Variants in MYO1D observed in about 807,000 individuals in gnomAD.
MYO1D encodes myosin ID.
In MYO1D, 83 loss-of-function variants were observed where a neutral mutation model predicts 122.0. That is an observed-to-expected ratio of 0.68 (90% CI 0.57 to 0.82). MYO1D has a LOEUF of 0.82. Ranked by LOEUF, MYO1D falls within the 40% of genes least tolerant of loss-of-function variation. MYO1D has a pLI of 0.00. For synonymous variants in MYO1D, 464 were observed against 446.9 expected (o/e 1.04, Z -0.48); for missense variants, 1,157 against 1,269.5 (o/e 0.91, Z 1.35).
At chr17:32,549,783 G>A (rs1269348386) in intron 21 of MYO1D, among the ~76,000 whole-genome samples, 1 of 152,136 alleles carries the variant, frequency 6.6e-6, no homozygotes, top group Non-Finnish European at 1.5e-5. Context: ...GTCACATGAA[G>A]GACACGTTAA....
chr17:32,741,875 C>CGT (rs1293887314), intron 13 of MYO1D, among the ~76,000 whole-genome samples: 2 of 151,636 alleles, frequency 1.3e-5, no homozygotes, highest in African/African-American at 4.8e-5. Context: ...ATTAGCCGGG[C>CGT]GTGGTGGTGG....
intron 21 of MYO1D, 89 bp from the exon 22 acceptor site, chr17:32,495,004 C>T (rs1248011208): frequency 2.1e-5 from 29 of 1,409,088 alleles, no homozygotes; most frequent in Middle Eastern, 1.9e-4. Flanking sequence ...CCATTGGCTC[C>T]GGCGCAGCCT....
Position 32,620,001 on chromosome 17 carries a change from T to G in MYO1D, c.2710-14760A>C, listed in dbSNP as rs529732934. Among the ~76,000 whole-genome samples, 19 of 152,308 alleles carry G rather than the reference T, an allele frequency of 1.2e-4. No homozygotes were observed. The South Asian group carries it at 3.9e-3, about 32-fold the overall frequency. ...CTTAAATCTTCTCTTTTAGCAGGCT[T>G]CCACTAAAAGTGGGCCAGGAGCAGA... On this transcript the variant is annotated intron_variant, in intron 20 of 21. Coordinates refer to ENST00000318217, the MANE Select transcript of MYO1D (RefSeq NM_015194.3).
chr17:32,714,912 T>G (rs1365342376), intron 15 of MYO1D, among the ~76,000 whole-genome samples: 1 of 151,896 alleles, frequency 6.6e-6, no homozygotes, highest in East Asian at 1.9e-4. Context: ...AATCTATCCA[T>G]CTGATAAAGG....
intron 21 of MYO1D, among the ~76,000 whole-genome samples, chr17:32,560,877 C>A (rs1019822927): frequency 6.7e-6 from 1 of 149,816 alleles, no homozygotes; most frequent in Non-Finnish European, 1.5e-5. Flanking sequence ...CTTGGCCTCC[C>A]AAAGTGCGAG....
chr17:32,704,011 C>G (rs1466447052), intron 16 of MYO1D, among the ~76,000 whole-genome samples: 2 of 152,184 alleles, frequency 1.3e-5, no homozygotes, highest in East Asian at 3.8e-4. Context: ...TACGCTAAAT[C>G]ACTGTATACT....
chr17:32,689,616 C>T (rs1324736769), intron 16 of MYO1D, among the ~76,000 whole-genome samples: 2 of 152,212 alleles, frequency 1.3e-5, no homozygotes, highest in Admixed American at 6.5e-5. Flanking sequence ...AAAGAGGAAT[C>T]GCATTGAATA....
chr17:32,733,665 C>G (rs533714125), intron 14 of MYO1D, among the ~76,000 whole-genome samples: 1 of 152,324 alleles, frequency 6.6e-6, no homozygotes, highest in East Asian at 1.9e-4. Flanking sequence ...AAGGACCCAG[C>G]CTTGAATAAC....
intron 21 of MYO1D, among the ~76,000 whole-genome samples, chr17:32,512,321 C>A (rs1909725611): frequency 6.6e-6 from 1 of 151,308 alleles, no homozygotes; most frequent in Non-Finnish European, 1.5e-5. Context: ...AAAAAAAGAG[C>A]CATCATGAAA....
At chr17:32,516,616 C>T (rs187126953) in intron 21 of MYO1D, among the ~76,000 whole-genome samples, 1 of 152,250 alleles carries the variant, frequency 6.6e-6, no homozygotes, top group African/African-American at 2.4e-5. Flanking sequence ...TGTGAAGTGT[C>T]TCCACATGGC....
chr17:32,743,319 T>C (rs2089793525), intron 13 of MYO1D, among the ~76,000 whole-genome samples: 1 of 152,214 alleles, frequency 6.6e-6, no homozygotes, highest in African/African-American at 2.4e-5. Flanking sequence ...GAGATTCAGA[T>C]GCATAGTTGC....
At chr17:32,616,793 A>G (rs2087775111) in intron 20 of MYO1D, among the ~76,000 whole-genome samples, 2 of 152,198 alleles carry the variant, frequency 1.3e-5, no homozygotes, top group Admixed American at 1.3e-4. Flanking sequence ...TGACGAATAA[A>G]ATGCAACAGA....
chr17:32,814,972 G>T (rs181161923), intron 1 of MYO1D, among the ~76,000 whole-genome samples: 5 of 152,194 alleles, frequency 3.3e-5, no homozygotes, highest in African/African-American at 1.2e-4. Context: ...AATCACTTGC[G>T]GGAGGCTTTT....
At chr17:32,796,500 C>T (rs1482352966) in intron 1 of MYO1D, among the ~76,000 whole-genome samples, 2 of 152,186 alleles carry the variant, frequency 1.3e-5, no homozygotes, top group African/African-American at 4.8e-5. Context: ...ACAACCTCCA[C>T]CTCACAAGCT....
At chr17:32,865,082 T>C (rs749734838) in intron 1 of MYO1D, among the ~76,000 whole-genome samples, 1 of 152,224 alleles carries the variant, frequency 6.6e-6, no homozygotes, top group Non-Finnish European at 1.5e-5. Context: ...ACTATCCTTA[T>C]AATAAACTTA....
intron 14 of MYO1D, among the ~76,000 whole-genome samples, chr17:32,735,122 A>G (rs1157428373): frequency 1.3e-5 from 2 of 149,066 alleles, no homozygotes; most frequent in African/African-American, 4.9e-5. Context: ...ACACACACAC[A>G]CGAACCCAAA....
At chr17:32,652,306 T>C (rs1290796918) in intron 19 of MYO1D, among the ~76,000 whole-genome samples, 1 of 152,198 alleles carries the variant, frequency 6.6e-6, no homozygotes, top group Admixed American at 6.5e-5. Context: ...ACTGCCAAAT[T>C]TATAGTTGAA....
At chr17:32,681,225 G>T (rs889817608) in intron 16 of MYO1D, among the ~76,000 whole-genome samples, 8 of 151,614 alleles carry the variant, frequency 5.3e-5, no homozygotes, top group Non-Finnish European at 1.0e-4. Context: ...TTGATTTTTC[G>T]AAGGGTTTTT....
At chr17:32,703,772 CA>C (rs1390058262) in intron 16 of MYO1D, among the ~76,000 whole-genome samples, 27 of 152,096 alleles carry the variant, frequency 1.8e-4, no homozygotes, top group African/African-American at 6.5e-4. Context: ...GCATTTGGTA[CA>C]TTGTTTTCAT....
Sources: gnomAD v4.1 joint callset for allele counts (sites outside exome capture counted in the v4.1 genomes callset) on GRCh38, gnomAD v4.1.1 for gene constraint, MANE v1.5 for transcripts, NCBI Gene and HGNC (gene_info 2026-07-23, HGNC 2026-07-21) for gene names.